The following SENP7 variants were observed in gnomAD, a reference collection of about 807,000 sequenced individuals.
The protein encoded by SENP7 is sentrin-specific protease 7.
In SENP7, 64 loss-of-function variants were observed where a neutral mutation model predicts 141.2. The ratio of observed to expected loss-of-function variants is 0.45; its 90% confidence interval spans 0.37 to 0.56. The LOEUF (loss-of-function observed/expected upper bound fraction) is 0.56, where lower values mean the gene tolerates loss of function less well. Among genes scored for constraint, SENP7 ranks in the 20% least tolerant of loss-of-function variants. The pLI is 0.00. For synonymous variants in SENP7, 382 were observed against 426.4 expected, an observed-to-expected ratio of 0.90 and a Z score of 1.28; for missense variants, 1,025 against 1,212.2, an observed-to-expected ratio of 0.85 and a Z score of 2.29.
chr3:101,502,088 C>T (rs998024739), intron 1 of SENP7, among the ~76,000 whole-genome samples: 1 of 152,168 alleles, frequency 6.6e-6, no homozygotes, highest in African/African-American at 2.4e-5. Flanking sequence ...TCAAAGAGGA[C>T]ACAAGTAGTC....
At chr3:101,445,683 G>A (rs186980392) in intron 4 of SENP7, among the ~76,000 whole-genome samples, 27 of 151,518 alleles carry the variant, frequency 1.8e-4, no homozygotes, top group South Asian at 1.3e-3. Context: ...GAAAGTGAAG[G>A]GATAAAAAAT....
chr3:101,488,620 T>A (rs911802750), intron 3 of SENP7, among the ~76,000 whole-genome samples: 7 of 152,156 alleles, frequency 4.6e-5, no homozygotes, highest in Non-Finnish European at 1.0e-4. Context: ...GGCAGCTGGA[T>A]TGCCTGAGCT....
In SENP7 at chr3:101,450,823, C is replaced by T. The variant is rs575640641; in HGVS notation, c.284+8132G>A. Among the ~76,000 whole-genome samples, 4 of 152,162 alleles carry T rather than the reference C, an allele frequency of 2.6e-5. No homozygotes were observed. The East Asian group carries it at 7.7e-4, about 29-fold the overall frequency. ...AAAGAACTAGAGAAGCAAGAGCAAA[C>T]ATATTCAAAAGCTAGCAGAAGGCAA... On this transcript the variant is annotated intron_variant, in intron 4 of 23. Transcript: ENST00000394095.
At chr3:101,385,152 A>ATG (rs1043479046) in intron 6 of SENP7, among the ~76,000 whole-genome samples, 4 of 152,016 alleles carry the variant, frequency 2.6e-5, no homozygotes, top group African/African-American at 4.8e-5. Flanking sequence ...GTGTGTGTGC[A>ATG]TGTGTGTGTG....
chr3:101,452,528 C>T lies in SENP7; in HGVS notation c.284+6427G>A, dbSNP rs200348789. ...GTACCAAAACAGAGATATAGACCAA[C>T]GGAACAGAACAGAGCCCTCACAAAT... is the stretch of plus-strand genomic sequence containing the variant. On this transcript the variant is annotated intron_variant, in intron 4 of 23. Transcript: ENST00000394095. Among the ~76,000 whole-genome samples the T allele has an allele frequency of 2.6e-4, 39 of 152,036 alleles. 1 individual carries two copies. The East Asian group carries it at 5.6e-3, about 22-fold the overall frequency.
At chr3:101,448,711 CA>C (rs1239443908) in intron 4 of SENP7, among the ~76,000 whole-genome samples, 1 of 152,054 alleles carries the variant, frequency 6.6e-6, no homozygotes, top group African/African-American at 2.4e-5. Flanking sequence ...ACATCCACAC[CA>C]AAACCCCATC....
chr3:101,463,201 A>G lies in SENP7; in HGVS notation c.187-4149T>C, dbSNP rs926953349. 2.0e-5 allele frequency among the ~76,000 whole-genome samples: 3 copies of G among 151,480 alleles called. No homozygotes were observed. The South Asian group carries it at 6.3e-4, about 32-fold the overall frequency. ...ATAAATACAGTGAGACCCTATGTCT[A>G]CAATAAAGGTCGTGGCACATGTCTG... is the stretch of plus-strand genomic sequence containing the variant. On this transcript the variant is annotated intron_variant, in intron 3 of 23. Coordinates refer to ENST00000394095, the MANE Select transcript of SENP7 (RefSeq NM_020654.5).
At chr3:101,405,559 T>C (rs923005275) in intron 5 of SENP7, among the ~76,000 whole-genome samples, 1 of 152,122 alleles carries the variant, frequency 6.6e-6, no homozygotes, top group Non-Finnish European at 1.5e-5. Context: ...TCACCAGCAA[T>C]GGACTCAAAC....
At chr3:101,416,164 C>G (rs2061614572) in intron 5 of SENP7, among the ~76,000 whole-genome samples, 1 of 152,182 alleles carries the variant, frequency 6.6e-6, no homozygotes, top group South Asian at 2.1e-4. Flanking sequence ...TCTGGACTAG[C>G]TGGTAGCTCA....
At chr3:101,390,197 G>A (rs997147077) in intron 6 of SENP7, among the ~76,000 whole-genome samples, 1 of 134,084 alleles carries the variant, frequency 7.5e-6, no homozygotes, top group Non-Finnish European at 1.5e-5. Context: ...TCTAGCTTGG[G>A]CAACAGAGCG....
intron 17 of SENP7, among the ~76,000 whole-genome samples, chr3:101,335,387 A>G (rs2059158111): frequency 6.6e-6 from 1 of 152,168 alleles, no homozygotes; most frequent in Admixed American, 6.5e-5. Flanking sequence ...TGCTGCTCTG[A>G]TGACTTTTAA....
chr3:101,507,351 C>T (rs1453433182), intron 1 of SENP7, among the ~76,000 whole-genome samples: 1 of 152,148 alleles, frequency 6.6e-6, no homozygotes, highest in African/African-American at 2.4e-5. Flanking sequence ...CAATCCTCTG[C>T]CTTCCATCAT....
chr3:101,361,211 CG>C (rs1213329802), intron 11 of SENP7, among the ~76,000 whole-genome samples: 2 of 123,914 alleles, frequency 1.6e-5, no homozygotes, highest in Admixed American at 9.5e-5. Context: ...AGACTCTGTC[CG>C]CCCCCCCAAA....
chr3:101,345,657 AC>A (rs1048169581), intron 13 of SENP7, among the ~76,000 whole-genome samples: 83 of 152,326 alleles, frequency 5.4e-4, no homozygotes, highest in African/African-American at 1.9e-3. Flanking sequence ...GCAAACACAA[AC>A]AAAGTGGGGA....
At chr3:101,378,535 C>T (rs1460323877) in intron 6 of SENP7, among the ~76,000 whole-genome samples, 2 of 151,798 alleles carry the variant, frequency 1.3e-5, no homozygotes, top group African/African-American at 4.8e-5. Flanking sequence ...TAAAAAAACC[C>T]GTAACAGAAT....
intron 4 of SENP7, among the ~76,000 whole-genome samples, chr3:101,440,581 T>A (rs28380665): frequency 2.5e-4 from 31 of 124,890 alleles, no homozygotes; most frequent in African/African-American, 3.3e-4. Context: ...AAAAATAAAT[T>A]AAAAAAAAAA....
chr3:101,455,888 T>C (rs2063335988), intron 4 of SENP7, among the ~76,000 whole-genome samples: 2 of 152,266 alleles, frequency 1.3e-5, no homozygotes, highest in South Asian at 4.1e-4. Context: ...ACCTACCTTT[T>C]AGAAGTAGAA....
chr3:101,507,160 G>A (rs867019040), intron 1 of SENP7, among the ~76,000 whole-genome samples: 1 of 151,706 alleles, frequency 6.6e-6, no homozygotes, highest in African/African-American at 2.4e-5. Flanking sequence ...TTACCAATAC[G>A]AGCACACACG....
intron 5 of SENP7, among the ~76,000 whole-genome samples, chr3:101,409,441 A>G (rs563387035): frequency 6.6e-6 from 1 of 152,306 alleles, no homozygotes; most frequent in African/African-American, 2.4e-5. Flanking sequence ...AAAAACAATT[A>G]TAAAATTCAA....
Sources: allele counts gnomAD v4.1 joint callset (sites outside exome capture counted in the v4.1 genomes callset), GRCh38; gene constraint gnomAD v4.1.1; transcripts MANE v1.5; gene names NCBI Gene and HGNC (gene_info 2026-07-23, HGNC 2026-07-21).